The following STXBP5 variants were observed in gnomAD, a reference collection of about 807,000 sequenced individuals.
STXBP5 encodes the protein syntaxin binding protein 5, also known as syntaxin-binding protein 5.
A neutral mutation model predicts 152.4 loss-of-function variants in STXBP5; 50 were observed. That is an observed-to-expected ratio of 0.33 (90% confidence interval 0.26 to 0.42). STXBP5 has a LOEUF of 0.42. STXBP5 is among the 10% of genes least tolerant of loss of function. STXBP5 has a pLI of 1.00. For missense variants in STXBP5, 1,167 were observed against 1,388.6 expected (o/e 0.84, Z 2.54); for synonymous variants, 492 against 494.7 (o/e 0.99, Z 0.07).
In STXBP5 at chr6:147,347,691, A is replaced by G. The variant is rs541498988; in HGVS notation, c.2255-5632A>G. 2.7e-3 allele frequency among the ~76,000 whole-genome samples: 412 copies of G among 152,306 alleles called. 2 individuals are homozygous for G. Among genetic ancestry groups the G allele is most frequent in the African/African-American group, 9.3e-3 (387 of 41,574 alleles). On this transcript the variant is annotated intron_variant, in intron 21 of 27. Transcript: ENST00000321680. The stretch of plus-strand genomic sequence containing the variant: ...GTCTAATAGTTACAGAAATATTTCA[A>G]CCTCTGAATGTTTTACACAGTGTAT...
chr6:147,375,655 C>A (rs1385477965), intron 26 of STXBP5, among the ~76,000 whole-genome samples: 2 of 150,644 alleles, frequency 1.3e-5, no homozygotes, highest in Non-Finnish European at 3.0e-5. Context: ...AGAAAGAAGT[C>A]AGAAAACTTT....
chr6:147,322,285 G>C (rs546505628), intron 16 of STXBP5, among the ~76,000 whole-genome samples: 6 of 152,328 alleles, frequency 3.9e-5, no homozygotes, highest in Middle Eastern at 3.4e-3. Context: ...GCTTGAGATG[G>C]AGAGCTGTAG....
chr6:147,378,226 G>A (rs1277352140), intron 26 of STXBP5, among the ~76,000 whole-genome samples: 2 of 151,924 alleles, frequency 1.3e-5, no homozygotes, highest in African/African-American at 4.8e-5. Flanking sequence ...AACTCATTTT[G>A]TGTGGCTAAC....
chr6:147,327,073 T>G, intron 17 of STXBP5, 52 bp from the exon 18 acceptor site: 1 of 1,559,762 alleles, frequency 6.4e-7, no homozygotes, highest in Non-Finnish European at 8.7e-7. Flanking sequence ...GTAGTACATT[T>G]TTTTGGAATT....
chr6:147,298,482 G>T (rs2128359325), intron 9 of STXBP5, among the ~76,000 whole-genome samples: 1 of 152,146 alleles, frequency 6.6e-6, no homozygotes, highest in South Asian at 2.1e-4. Flanking sequence ...AGACGAAGTG[G>T]ATCTAACATA....
At chr6:147,213,477 T>TGTGTGCGCGCAC in intron 2 of STXBP5, among the ~76,000 whole-genome samples, 5 of 131,276 alleles carry the variant, frequency 3.8e-5, no homozygotes, top group Admixed American at 7.5e-5. Context: ...TGTGTGTGTG[T>TGTGTGCGCGCAC]GCGCGCGCAT....
At chr6:147,304,574 A>G (rs986485316) in intron 9 of STXBP5, among the ~76,000 whole-genome samples, 23 of 152,048 alleles carry the variant, frequency 1.5e-4, no homozygotes, top group African/African-American at 5.3e-4. Flanking sequence ...GAAGAGGGCC[A>G]CCATCCTCCA....
intron 21 of STXBP5, among the ~76,000 whole-genome samples, chr6:147,343,051 A>T (rs1784163206): frequency 6.6e-6 from 1 of 152,112 alleles, no homozygotes; most frequent in South Asian, 2.1e-4. Context: ...TACCAAGGAT[A>T]AAAAATAATG....
chr6:147,245,265 A>G (rs1325677999), intron 4 of STXBP5, among the ~76,000 whole-genome samples: 1 of 152,142 alleles, frequency 6.6e-6, no homozygotes. Context: ...TTCAGCTGTA[A>G]AACAAAAGTA....
In STXBP5 at chr6:147,334,181, G is replaced by A. The variant is rs376970935; in HGVS notation, c.2105G>A (p.Gly702Glu). The A allele has an allele frequency of 6.2e-6, 10 of 1,611,852 alleles. No homozygotes were observed. Among genetic ancestry groups the A allele is most frequent in the Admixed American group, 1.7e-5 (1 of 59,938 alleles). ...SGAGLCDISE[G>E]TVVPEDRCKS... is the part of the protein sequence containing the mutation. Reference sequence around the variant, plus strand: ...GCCGGTCTGTGTGATATTAGTGAAGGGACTGTTGTTCCAGAGGATCGCTGC... The same window carrying A: ...GCCGGTCTGTGTGATATTAGTGAAGAGACTGTTGTTCCAGAGGATCGCTGC... Residue 702 changes from glycine (G) to glutamate (E), a missense_variant, in exon 19 of 28, where the codon GGG becomes GAG. Physicochemically the swap from Gly to Glu is moderately conservative, Grantham distance 98. Transcript: ENST00000321680.
At chr6:147,224,691 TTTA>T (rs1261185955) in intron 2 of STXBP5, among the ~76,000 whole-genome samples, 2 of 152,230 alleles carry the variant, frequency 1.3e-5, no homozygotes, top group Non-Finnish European at 2.9e-5. Context: ...GCTGCTTTTA[TTTA>T]TTGACTTTCA....
At chr6:147,369,521 G>C (rs746577732) in intron 25 of STXBP5, among the ~76,000 whole-genome samples, 1 of 151,878 alleles carries the variant, frequency 6.6e-6, no homozygotes, top group Non-Finnish European at 1.5e-5. Context: ...AAAATGAAAA[G>C]ACAATTTATA....
Position 147,204,763 on chromosome 6 carries a change from G to T in STXBP5, c.150+81G>T. Reference sequence around the variant, plus strand: ...AGGGGGCTACTCGGGCTTTACATGGGAATGCAAGGGAAGAGAACGCCAATA... The same window carrying T: ...AGGGGGCTACTCGGGCTTTACATGGTAATGCAAGGGAAGAGAACGCCAATA... On this transcript the variant is annotated intron_variant, in intron 1 of 27. Transcript: ENST00000321680. This position sits in a 1 kb window ranked among gnomAD's most constrained non-coding sequence, Gnocchi z 4.3. 7.4e-7 allele frequency: 1 copy of T among 1,353,542 alleles called. No individual in the cohort carries two copies. Among genetic ancestry groups the T allele is most frequent in the African/African-American group, 1.5e-5 (1 of 66,226 alleles). The allele number at this position is 1,353,542 out of a possible 1,614,324, so 83.8% of individuals were successfully genotyped here. A position where few individuals can be genotyped will look rare whatever the true frequency, so the allele number is the denominator to read the frequency against.
At position 147,386,182 on chromosome 6, in the gene STXBP5, C is replaced by T. The variant is rs770585510; in HGVS notation, c.*1427C>T. 9.9e-5 allele frequency: 15 copies of T among 151,628 alleles called. No homozygotes were observed. Among genetic ancestry groups the T allele is most frequent in the Non-Finnish European group, 2.2e-4 (15 of 67,810 alleles). The allele number at this position is 151,628 out of a possible 1,614,324, so 9.4% of individuals were successfully genotyped here. A position where few individuals can be genotyped will look rare whatever the true frequency, so the allele number is the denominator to read the frequency against. On this transcript the variant is annotated 3_prime_UTR_variant, in exon 28 of 28. Transcript: ENST00000321680. ...TTATTATTGATTGTTGTTAAAGCAA[C>T]CCAGCAAAAGCAAAATGGAAGCATT...
chr6:147,383,995 T>C (rs533040432), intron 27 of STXBP5, among the ~76,000 whole-genome samples: 4 of 152,280 alleles, frequency 2.6e-5, no homozygotes, highest in African/African-American at 9.6e-5. Context: ...CACCCGATTG[T>C]ATGATCTCTA....
rs35444906 is a variant in STXBP5, at chr6:147,219,799, G to GTTT, written c.248+13750_248+13752dup. On this transcript the variant is annotated intron_variant, in intron 2 of 27. Transcript: ENST00000321680. ...TTTTCCTTAGCATGGCTAGAAGCTT[G>GTTT]TTTTTTTTTTTTTTTTTTTTTGAAG... Among the ~76,000 whole-genome samples the GTTT allele has an allele frequency of 5.3e-3, 452 of 85,892 alleles. 8 individuals are homozygous for GTTT. The highest frequency in any genetic ancestry group is 0.021 in the Middle Eastern group (2 of 96). The allele number at this position is 85,892 out of a possible 152,430, so 56.3% of individuals were successfully genotyped here.
In STXBP5 at chr6:147,337,244, C is replaced by T. The variant is rs183934503; in HGVS notation, c.2147-1935C>T. Among the ~76,000 whole-genome samples, 4 of 105,160 alleles carry T rather than the reference C, an allele frequency of 3.8e-5. No individual in the cohort carries two copies. In the East Asian group the frequency reaches 1.0e-3, roughly 27 times the overall value. 69.0% of individuals were successfully genotyped at this position (105,160 alleles called of 152,430 possible). On this transcript the variant is annotated intron_variant, in intron 19 of 27. Coordinates refer to ENST00000321680, the MANE Select transcript of STXBP5 (RefSeq NM_001127715.4). The stretch of plus-strand genomic sequence containing the variant: ...AGTCATGTTAAAATAAATTTTTAAA[C>T]TGTTAGGTTATTTCAAGCTGAAGAA...
At chr6:147,261,015 A>G (rs1211863158) in intron 5 of STXBP5, among the ~76,000 whole-genome samples, 1 of 152,034 alleles carries the variant, frequency 6.6e-6, no homozygotes, top group Non-Finnish European at 1.5e-5. Flanking sequence ...GTTTAAGGAA[A>G]CAGTCATTCC....
intron 21 of STXBP5, 134 bp from the exon 22 acceptor site, chr6:147,353,189 A>G: frequency 1.8e-6 from 1 of 555,880 alleles, no homozygotes; most frequent in Non-Finnish European, 3.1e-6. Flanking sequence ...TTCCACTCCT[A>G]ATATTACTCA....
Sources: gnomAD v4.1 joint callset for allele counts (sites outside exome capture counted in the v4.1 genomes callset) on GRCh38, gnomAD v4.1.1 for gene constraint, Gnocchi (gnomAD v3.1) non-coding constraint, MANE v1.5 for transcripts, NCBI Gene and HGNC (gene_info 2026-07-23, HGNC 2026-07-21) for gene names.